The following WDFY2 variants were observed in gnomAD, a reference collection of about 807,000 sequenced individuals.
WDFY2 encodes WD repeat and FYVE domain-containing protein 2.
A neutral mutation model predicts 56.4 loss-of-function variants in WDFY2; 36 were observed. The ratio of observed to expected loss-of-function variants is 0.64; its 90% CI spans 0.49 to 0.84. The LOEUF is 0.84. WDFY2 is among the 40% of genes least tolerant of loss of function. The probability of loss-of-function intolerance (pLI) is 0.00; values close to 1 mark genes in which losing one functional copy is unlikely to be tolerated. For missense variants in WDFY2, 444 were observed against 512.2 expected (o/e 0.87, Z 1.29); for synonymous variants, 176 against 183.7 (o/e 0.96, Z 0.34).
In WDFY2 at chr13:51,703,786, C is replaced by G. The variant is rs187400554; in HGVS notation, c.334+136C>G. ...GCAACCTTTTGAGTGAGTGTTATCC[C>G]TGTGTTTTGAATTAAGAAACTGAGG... On this transcript the variant is annotated intron_variant, in intron 4 of 11. Coordinates refer to ENST00000298125, the MANE Select transcript of WDFY2 (RefSeq NM_052950.4). The G allele has an allele frequency of 2.9e-4, 212 of 721,942 alleles. 1 individual carries two copies. The African/African-American group carries it at 3.8e-3, about 13-fold the overall frequency. The allele number at this position is 721,942 out of a possible 1,614,324, so 44.7% of individuals were successfully genotyped here.
chr13:51,759,599 T>C, intron 11 of WDFY2, 141 bp from the exon 12 acceptor site: 6 of 630,858 alleles, frequency 9.5e-6, no homozygotes, highest in Non-Finnish European at 1.6e-5. Context: ...GAAAAAAATA[T>C]TTTACAGATT....
In WDFY2 at chr13:51,758,172, G is replaced by T; in HGVS notation, c.1065-20G>T. On this transcript the variant is annotated intron_variant, in intron 10 of 11. Transcript: ENST00000298125. ...ATGTCACCACCTTTTCCCCTCAGAA[G>T]CTTTCTTTGCTCCTTCTAGACGTGC... The T allele has an allele frequency of 6.5e-7, 1 of 1,532,138 alleles. No individual in the cohort carries two copies. Among genetic ancestry groups the T allele is most frequent in the South Asian group, 1.2e-5 (1 of 81,792 alleles). The allele number at this position is 1,532,138 out of a possible 1,614,324, so 94.9% of individuals were successfully genotyped here.
intron 3 of WDFY2, among the ~76,000 whole-genome samples, chr13:51,691,624 G>T (rs958504560): frequency 3.9e-5 from 6 of 152,114 alleles, no homozygotes; most frequent in Non-Finnish European, 8.8e-5. Context: ...TTGGAGTCAG[G>T]TAGTGTGATG....
chr13:51,703,732 C>A, intron 4 of WDFY2, 82 bp downstream of exon 4: 1 of 1,162,040 alleles, frequency 8.6e-7, no homozygotes, highest in Non-Finnish European at 1.2e-6. Flanking sequence ...AGAATACATA[C>A]TTTACAATCA....
chr13:51,706,680 C>T (rs1438828574), intron 4 of WDFY2, among the ~76,000 whole-genome samples: 6 of 152,150 alleles, frequency 3.9e-5, no homozygotes, highest in Non-Finnish European at 7.4e-5. Context: ...AAGAAATTAA[C>T]ATAAAGTTGG....
intron 2 of WDFY2, among the ~76,000 whole-genome samples, chr13:51,669,301 C>T (rs1438592200): frequency 2.6e-5 from 4 of 152,140 alleles, no homozygotes; most frequent in African/African-American, 9.7e-5. Flanking sequence ...ACCAAACACT[C>T]AGTGTTATGA....
chr13:51,602,313 A>G (rs921311060), intron 1 of WDFY2, among the ~76,000 whole-genome samples: 21 of 152,208 alleles, frequency 1.4e-4, no homozygotes, highest in Non-Finnish European at 2.6e-4. Context: ...AGATACATAA[A>G]TACTTTCCAT....
At chr13:51,597,235 C>G (rs915729617) in intron 1 of WDFY2, among the ~76,000 whole-genome samples, 1 of 152,134 alleles carries the variant, frequency 6.6e-6, no homozygotes. Flanking sequence ...AGTGAACAAA[C>G]GGTTGAGTTC....
At chr13:51,644,864 C>T (rs1955236187) in intron 1 of WDFY2, among the ~76,000 whole-genome samples, 1 of 152,180 alleles carries the variant, frequency 6.6e-6, no homozygotes. Context: ...AGTCTTGAAA[C>T]CGCTGGCCAC....
At position 51,618,848 on chromosome 13, in the gene WDFY2, C is replaced by T. The variant is rs528156321; in HGVS notation, c.137+34024C>T. ...TAAAGGCTTAGAGTCCTTCTCCCTG[C>T]CTTTTGCCATTGTGAATAGTGGAGG... On this transcript the variant is annotated intron_variant, in intron 1 of 11. Transcript: ENST00000298125. 5.9e-5 allele frequency among the ~76,000 whole-genome samples: 9 copies of T among 152,332 alleles called. No individual in the cohort carries two copies. In the South Asian group the frequency reaches 8.3e-4, roughly 14 times the overall value.
At position 51,642,356 on chromosome 13, in the gene WDFY2, C is replaced by T. The variant is rs143050482; in HGVS notation, c.138-18240C>T. Among the ~76,000 whole-genome samples, 1,312 of 152,158 alleles carry T rather than the reference C, an allele frequency of 8.6e-3. 19 individuals carry two copies. Among genetic ancestry groups the T allele is most frequent in the African/African-American group, 0.029 (1,208 of 41,498 alleles). On this transcript the variant is annotated intron_variant, in intron 1 of 11. Coordinates refer to ENST00000298125, the MANE Select transcript of WDFY2 (RefSeq NM_052950.4). The stretch of plus-strand genomic sequence containing the variant: ...AGGCTGGAGTGCAGTGGCACAATCT[C>T]GGCTCACTGCAACCTCCACCTCCCA...
intron 8 of WDFY2, chr13:51,752,792 G>A (rs1250247167): frequency 2.6e-5 from 4 of 152,168 alleles, no homozygotes; most frequent in African/African-American, 9.7e-5. Context: ...AATGGAGATG[G>A]TTCCATTCAT....
intron 8 of WDFY2, among the ~76,000 whole-genome samples, chr13:51,754,041 C>T (rs1953302505): frequency 6.8e-6 from 1 of 146,112 alleles, no homozygotes; most frequent in South Asian, 2.2e-4. Flanking sequence ...TGCAGTGAGC[C>T]AAGATCGCAC....
chr13:51,677,514 A>C (rs1427548280), intron 3 of WDFY2, among the ~76,000 whole-genome samples: 1 of 152,222 alleles, frequency 6.6e-6, no homozygotes, highest in Non-Finnish European at 1.5e-5. Flanking sequence ...CAGAGACTAT[A>C]TATTCTGTTT....
At chr13:51,728,488 G>A (rs1393677426) in intron 6 of WDFY2, among the ~76,000 whole-genome samples, 1 of 152,106 alleles carries the variant, frequency 6.6e-6, no homozygotes, top group Non-Finnish European at 1.5e-5. Flanking sequence ...GTCATCGCCA[G>A]TTTTCATGGT....
At chr13:51,747,531 A>T (rs1053871213) in intron 7 of WDFY2, among the ~76,000 whole-genome samples, 8 of 152,208 alleles carry the variant, frequency 5.3e-5, no homozygotes, top group Non-Finnish European at 1.0e-4. Context: ...ATTTCTTTTT[A>T]AAAAATTGTT....
intron 4 of WDFY2, among the ~76,000 whole-genome samples, chr13:51,716,409 T>C (rs76779981): frequency 0.013 from 1,933 of 152,208 alleles, 17 homozygotes; most frequent in Non-Finnish European, 0.019. Flanking sequence ...AATCAACAAG[T>C]GGGCCGGGCG....
intron 6 of WDFY2, among the ~76,000 whole-genome samples, chr13:51,733,070 C>T (rs557286202): frequency 6.6e-6 from 1 of 152,324 alleles, no homozygotes; most frequent in African/African-American, 2.4e-5. Flanking sequence ...GAGTCTTGCT[C>T]TGTCACCCAG....
At chr13:51,646,555 T>C (rs960278247) in intron 1 of WDFY2, among the ~76,000 whole-genome samples, 3 of 152,160 alleles carry the variant, frequency 2.0e-5, no homozygotes, top group African/African-American at 7.2e-5. Context: ...GTGGCACTTG[T>C]TTTTCTTTGT....
Sources: allele counts gnomAD v4.1 joint callset (sites outside exome capture counted in the v4.1 genomes callset), GRCh38; gene constraint gnomAD v4.1.1; transcripts MANE v1.5; gene names NCBI Gene and HGNC (gene_info 2026-07-23, HGNC 2026-07-21).